BMPER: variants seen among roughly 807,000 people sequenced by gnomAD.
The protein encoded by BMPER is BMP-binding endothelial regulator protein.
A neutral mutation model predicts 87.3 loss-of-function variants in BMPER; 45 were observed. That is an observed-to-expected ratio of 0.52 (90% CI 0.41 to 0.66). The LOEUF (loss-of-function observed/expected upper bound fraction) is 0.66, where lower values mean the gene tolerates loss of function less well. Among genes scored for constraint, BMPER ranks in the 30% least tolerant of loss-of-function variants. The probability of loss-of-function intolerance (pLI) is 0.00; values close to 1 mark genes in which losing one functional copy is unlikely to be tolerated. For missense variants in BMPER, 784 were observed against 867.5 expected (o/e 0.90, Z 1.21); for synonymous variants, 326 against 316.2 (o/e 1.03, Z -0.33).
intron 13 of BMPER, among the ~76,000 whole-genome samples, chr7:34,117,607 T>C (rs1245376533): frequency 6.6e-6 from 1 of 152,212 alleles, no homozygotes; most frequent in Non-Finnish European, 1.5e-5. Flanking sequence ...TAAAGTGTTG[T>C]TATGATTGCC....
intron 6 of BMPER, among the ~76,000 whole-genome samples, chr7:33,987,431 C>G (rs1274074918): frequency 6.6e-6 from 1 of 152,144 alleles, no homozygotes; most frequent in Non-Finnish European, 1.5e-5. Flanking sequence ...CCAACATTCC[C>G]TTCTCAAGCC....
chr7:34,143,190 A>T (rs757450568), intron 13 of BMPER, 40 bp from the exon 14 acceptor site: 1 of 1,612,506 alleles, frequency 6.2e-7, no homozygotes, highest in Non-Finnish European at 8.5e-7. Context: ...TTATGGTTTG[A>T]TATTTTTAAA....
In BMPER at chr7:34,039,944, A is replaced by G. The variant is rs534227482; in HGVS notation, c.577-6362A>G. Among the ~76,000 whole-genome samples, 6 of 152,188 alleles carry G rather than the reference A, an allele frequency of 3.9e-5. No individual in the cohort carries two copies. In the East Asian group the frequency reaches 5.8e-4, roughly 15 times the overall value. On this transcript the variant is annotated intron_variant, in intron 6 of 14. Coordinates refer to ENST00000649409, the MANE Select transcript of BMPER (RefSeq NM_001365308.1). ...GTTATTTGAAAATAGAGGATTAAAT[A>G]TAAAGAACTATTAACTAGGTAACTG...
chr7:34,044,865 A>C (rs577769717), intron 6 of BMPER, among the ~76,000 whole-genome samples: 1 of 152,362 alleles, frequency 6.6e-6, no homozygotes, highest in East Asian at 1.9e-4. Flanking sequence ...TGTTATAATA[A>C]AAATGGCGAG....
intron 3 of BMPER, chr7:33,940,067 A>G (rs1342097656): frequency 1.5e-5 from 3 of 206,514 alleles, no homozygotes; most frequent in Non-Finnish European, 1.1e-5. Context: ...CTCATAGGAG[A>G]AGCCTCAAAA....
At chr7:34,152,785 T>G (rs1791210241) in intron 14 of BMPER, among the ~76,000 whole-genome samples, 2 of 152,236 alleles carry the variant, frequency 1.3e-5, no homozygotes, top group South Asian at 4.1e-4. Context: ...ACTATTTAGT[T>G]ATTTGTACAA....
chr7:33,964,908 TTGGTTCTC>T (rs1785366124), intron 3 of BMPER, among the ~76,000 whole-genome samples: 1 of 152,212 alleles, frequency 6.6e-6, no homozygotes, highest in African/African-American at 2.4e-5. Context: ...TGAATTGGAT[TTGGTTCTC>T]TGATTTCCCT....
chr7:34,120,323 CATACA>C (rs942905577), intron 13 of BMPER, among the ~76,000 whole-genome samples: 1 of 151,888 alleles, frequency 6.6e-6, no homozygotes, highest in African/African-American at 2.4e-5. Flanking sequence ...ATTGATGTAA[CATACA>C]ATACAATTAA....
chr7:34,076,617 G>A (rs1304860069), intron 11 of BMPER, among the ~76,000 whole-genome samples: 2 of 152,028 alleles, frequency 1.3e-5, no homozygotes, highest in East Asian at 3.9e-4. Context: ...TTTAATATTG[G>A]GAGACAATCT....
intron 6 of BMPER, among the ~76,000 whole-genome samples, chr7:33,979,110 C>T (rs752436015): frequency 5.3e-4 from 80 of 151,960 alleles, no homozygotes; most frequent in Non-Finnish European, 8.4e-4. Flanking sequence ...TATATATGCA[C>T]GTAAACATCT....
At chr7:34,067,950 A>C (rs1309434564) in intron 11 of BMPER, among the ~76,000 whole-genome samples, 2 of 152,200 alleles carry the variant, frequency 1.3e-5, no homozygotes, top group Non-Finnish European at 2.9e-5. Context: ...CCTATTGTCA[A>C]TTCCCACAGG....
At chr7:33,980,860 C>T (rs1002404089) in intron 6 of BMPER, among the ~76,000 whole-genome samples, 3 of 152,094 alleles carry the variant, frequency 2.0e-5, no homozygotes, top group Non-Finnish European at 2.9e-5. Flanking sequence ...TCTTAGAAGC[C>T]CTGAAGTCCA....
chr7:33,960,852 G>A (rs1176495969), intron 3 of BMPER, among the ~76,000 whole-genome samples: 1 of 152,162 alleles, frequency 6.6e-6, no homozygotes, highest in Admixed American at 6.5e-5. Flanking sequence ...TTTTACCAAT[G>A]AAATTAAGCA....
chr7:34,035,046 G>T (rs1490756563), intron 6 of BMPER, among the ~76,000 whole-genome samples: 3 of 152,120 alleles, frequency 2.0e-5, no homozygotes, highest in African/African-American at 7.2e-5. Context: ...CCTAGATTAG[G>T]ATAGTCCCAA....
chr7:34,089,289 A>G (rs1789311819), intron 13 of BMPER, among the ~76,000 whole-genome samples: 1 of 152,204 alleles, frequency 6.6e-6, no homozygotes, highest in African/African-American at 2.4e-5. Flanking sequence ...CTTGTAACAG[A>G]GGGAAGGGAG....
intron 2 of BMPER, among the ~76,000 whole-genome samples, chr7:33,916,999 A>G (rs936701164): frequency 6.6e-6 from 1 of 152,236 alleles, no homozygotes; most frequent in Non-Finnish European, 1.5e-5. Context: ...AATGAATGTA[A>G]TCACATTTGA....
chr7:34,044,392 G>A (rs1562707172), intron 6 of BMPER, among the ~76,000 whole-genome samples: 1 of 152,196 alleles, frequency 6.6e-6, no homozygotes. Flanking sequence ...TGTATTCTCT[G>A]TGCACCTACA....
chr7:33,993,556 T>C (rs962735820), intron 6 of BMPER, among the ~76,000 whole-genome samples: 2,271 of 151,986 alleles, frequency 0.015, 57 homozygotes, highest in African/African-American at 0.052. Context: ...TCTTTGCCTT[T>C]GGTTTGAATG....
intron 11 of BMPER, among the ~76,000 whole-genome samples, chr7:34,063,377 ATATG>A: frequency 8.3e-6 from 1 of 120,596 alleles, no homozygotes. Flanking sequence ...CAGGGTCACT[ATATG>A]TGTGTGTGTG....
Sources: allele counts gnomAD v4.1 joint callset (sites outside exome capture counted in the v4.1 genomes callset), GRCh38; gene constraint gnomAD v4.1.1; transcripts MANE v1.5; gene names NCBI Gene and HGNC (gene_info 2026-07-23, HGNC 2026-07-21).